Variants in HMCN1 observed in about 807,000 individuals in gnomAD.
HMCN1 encodes hemicentin 1.
Under a neutral mutation model 625.9 loss-of-function variants are expected in HMCN1, and 321 were observed. That is an observed-to-expected ratio of 0.51 (90% CI 0.47 to 0.56). The LOEUF is 0.56. Among genes scored for constraint, HMCN1 ranks in the 20% least tolerant of loss-of-function variants. The probability of loss-of-function intolerance (pLI) is 0.00; values close to 1 mark genes in which losing one functional copy is unlikely to be tolerated. For synonymous variants in HMCN1, 2,425 were observed against 2,417.6 expected (o/e 1.00, Z -0.09); for missense variants, 6,588 against 6,887.3 (o/e 0.96, Z 1.54).
chr1:186,117,350 C>G, intron 76 of HMCN1, 109 bp from the exon 77 acceptor site: 1 of 1,328,428 alleles, frequency 7.5e-7, no homozygotes, highest in Non-Finnish European at 1.1e-6. Context: ...TTTCTACTTA[C>G]CTAACTTTCA....
At position 186,067,840 on chromosome 1, in the gene HMCN1, C is replaced by T. The variant is rs1658225168; in HGVS notation, c.7712C>T (p.Pro2571Leu). 6.2e-7 allele frequency: 1 copy of T among 1,608,690 alleles called. No individual in the cohort carries two copies. Among genetic ancestry groups the T allele is most frequent in the Non-Finnish European group, 8.5e-7 (1 of 1,175,124 alleles). ...RSFSLNVFVSPTIAGVGSDGN... is the reference protein window; with the variant it reads ...RSFSLNVFVSLTIAGVGSDGN... ...AAATTTTCATCTTTTTCAGTATCTC[C>T]TACAATTGCTGGTGTAGGTAGTGAT... is the stretch of plus-strand genomic sequence containing the variant. Residue 2571 changes from proline (P) to leucine (L), a missense_variant, in exon 50 of 107, where the codon CCT becomes CTT. Transcript: ENST00000271588.
rs768834432 is a variant in HMCN1 at position 186,086,375 on chromosome 1, T to C, written c.9014T>C (p.Ile3005Thr). Residue 3005 changes from isoleucine (I) to threonine (T), a missense_variant, in exon 58 of 107, where the codon ATC (isoleucine) becomes ACC (threonine). Ile to Thr is a moderately conservative substitution (Grantham distance 89). Around this residue, in one of 3 missense-constraint regions of HMCN1, gnomAD observed 4,628 missense variants for 4,853.1 expected, o/e 0.95. Transcript: ENST00000271588. ...DLSWLKNEQPIKLNTNTLIVP... is the reference protein window; with the variant it reads ...DLSWLKNEQPTKLNTNTLIVP... Reference sequence around the variant, plus strand: ...AGCTGGCTCAAGAATGAACAGCCCATCAAACTGAACACAAATACTCTCATT... The same window carrying C: ...AGCTGGCTCAAGAATGAACAGCCCACCAAACTGAACACAAATACTCTCATT... 7 of 1,613,178 alleles carry C rather than the reference T, an allele frequency of 4.3e-6. No homozygotes were observed. The African/African-American group carries it at 9.4e-5, about 22-fold the overall frequency.
intron 4 of HMCN1, among the ~76,000 whole-genome samples, chr1:185,902,405 C>CTATCTCTA (rs903275348): frequency 0.012 from 1,756 of 145,330 alleles, 45 homozygotes; most frequent in African/African-American, 0.042. Context: ...ATCTATCTAT[C>CTATCTCTA]TCTATCTATC....
chr1:186,166,876 T>C lies in HMCN1; in HGVS notation c.15508T>C (p.Ser5170Pro). The C allele has an allele frequency of 1.2e-6, 2 of 1,614,168 alleles. No individual in the cohort carries two copies. Among genetic ancestry groups the C allele is most frequent in the South Asian group, 2.2e-5 (2 of 91,076 alleles). Residue 5170 changes from serine to proline, a missense_variant, in exon 100 of 107, where the codon TCT (serine) becomes CCT (proline). By Grantham distance (74) the Ser-to-Pro change is moderately conservative. Transcript: ENST00000271588. ...TCAGGACTGTGACAATACGATTGGA[T>C]CTTATCGCTGTGTGGTCCGTTGTGG... is the stretch of plus-strand genomic sequence containing the variant. Reference protein sequence around the residue: ...AGQDCDNTIGSYRCVVRCGSG... With the variant: ...AGQDCDNTIGPYRCVVRCGSG...
chr1:185,820,338 C>G (rs73072049), intron 1 of HMCN1, among the ~76,000 whole-genome samples: 6,287 of 152,126 alleles, frequency 0.041, 427 homozygotes, highest in African/African-American at 0.14. Context: ...GCTATCAGGT[C>G]ATAGAGTATT....
intron 8 of HMCN1, among the ~76,000 whole-genome samples, chr1:185,924,269 T>C (rs1290347767): frequency 2.8e-5 from 4 of 140,666 alleles, no homozygotes; most frequent in Non-Finnish European, 6.1e-5. Context: ...CTCGCTCTGT[T>C]GCCCAGGCTG....
At chr1:185,742,291 T>A (rs1654043863) in intron 1 of HMCN1, among the ~76,000 whole-genome samples, 1 of 152,176 alleles carries the variant, frequency 6.6e-6, no homozygotes, top group Non-Finnish European at 1.5e-5. Flanking sequence ...AAGGACTTGA[T>A]TCATTGGGAG....
Position 186,166,248 on chromosome 1 carries a change from C to CT in HMCN1, c.15385dup (p.Tyr5129LeufsTer6). 1 of 1,614,128 alleles carries CT rather than the reference C, an allele frequency of 6.2e-7. No individual in the cohort carries two copies. Among genetic ancestry groups the CT allele is most frequent in the Non-Finnish European group, 8.5e-7 (1 of 1,179,992 alleles). ...GCTGCCACAATGCCATGGGGACTTA[C>CT]TACTGCTCCTGCCCTAAAGGCCTCA... On this transcript the variant is annotated frameshift_variant, in exon 99 of 107. Transcript: ENST00000271588. LOFTEE classifies it high-confidence loss of function.
intron 1 of HMCN1, among the ~76,000 whole-genome samples, chr1:185,782,234 G>C (rs1017680055): frequency 2.6e-5 from 4 of 152,126 alleles, no homozygotes; most frequent in Non-Finnish European, 5.9e-5. Flanking sequence ...TTGAGCCTAT[G>C]TGTTTCTCTG....
intron 1 of HMCN1, among the ~76,000 whole-genome samples, chr1:185,840,195 G>T (rs1380353158): frequency 6.6e-6 from 1 of 152,146 alleles, no homozygotes; most frequent in Admixed American, 6.5e-5. Flanking sequence ...TGGAACGCAT[G>T]TATTGTAGAT....
chr1:186,158,135 A>G (rs1287305973), intron 97 of HMCN1, among the ~76,000 whole-genome samples: 6 of 149,008 alleles, frequency 4.0e-5, no homozygotes, highest in Non-Finnish European at 8.9e-5. Flanking sequence ...TTGCCATTCT[A>G]ACTGGTGTGA....
intron 1 of HMCN1, among the ~76,000 whole-genome samples, chr1:185,817,843 G>A (rs776838723): frequency 6.6e-6 from 1 of 151,910 alleles, no homozygotes. Flanking sequence ...ACAAAAAGCT[G>A]TTTCGGTTCA....
intron 1 of HMCN1, among the ~76,000 whole-genome samples, chr1:185,815,198 G>C (rs185756262): frequency 6.7e-6 from 1 of 150,184 alleles, no homozygotes; most frequent in Non-Finnish European, 1.5e-5. Flanking sequence ...ACCATATCCT[G>C]AGAATGATGT....
rs759142304 is a variant in HMCN1 at position 185,877,736 on chromosome 1, CT to C, written c.621+11881del. Among the ~76,000 whole-genome samples the C allele has an allele frequency of 7.3e-5, 11 of 150,734 alleles. No individual in the cohort carries two copies. The South Asian group carries it at 1.5e-3, about 20-fold the overall frequency. ...CTCTTTTTGTATGGCTATTTTTTTC[CT>C]TTTTTTTGACTTTTATTTTAGGTTC... is the stretch of plus-strand genomic sequence containing the variant. On this transcript the variant is annotated intron_variant, in intron 4 of 106. Coordinates refer to ENST00000271588, the MANE Select transcript of HMCN1 (RefSeq NM_031935.3).
chr1:186,045,628 A>G, intron 40 of HMCN1, 60 bp from the exon 41 acceptor site: 1 of 1,257,886 alleles, frequency 7.9e-7, no homozygotes, highest in Admixed American at 1.7e-5. Flanking sequence ...CTGATAATTG[A>G]TGAATGTAAA....
At chr1:186,086,629 T>C (rs1473657547) in intron 58 of HMCN1, among the ~76,000 whole-genome samples, 2 of 152,194 alleles carry the variant, frequency 1.3e-5, no homozygotes, top group Middle Eastern at 3.4e-3. Flanking sequence ...CAAGAAATGA[T>C]AAAATTTAGA....
intron 4 of HMCN1, among the ~76,000 whole-genome samples, chr1:185,871,980 C>A (rs895987321): frequency 4.6e-5 from 7 of 152,212 alleles, no homozygotes; most frequent in Non-Finnish European, 7.4e-5. Flanking sequence ...AAAAACAAAA[C>A]CTTACTGCTG....
intron 4 of HMCN1, among the ~76,000 whole-genome samples, chr1:185,871,214 G>C (rs956890951): frequency 1.4e-5 from 2 of 142,854 alleles, no homozygotes; most frequent in Non-Finnish European, 3.0e-5. Flanking sequence ...GGGCGACAGA[G>C]AGAGACTCCG....
chr1:185,998,536 G>A (rs1443769276), intron 25 of HMCN1, among the ~76,000 whole-genome samples: 2 of 152,102 alleles, frequency 1.3e-5, no homozygotes, highest in African/African-American at 4.8e-5. Flanking sequence ...AAGGGTTTAA[G>A]CTCAGGGAAG....
Sources: allele counts gnomAD v4.1 joint callset (sites outside exome capture counted in the v4.1 genomes callset), GRCh38; gene constraint gnomAD v4.1.1; regional missense constraint gnomAD v4.1.1; transcripts MANE v1.5; gene names NCBI Gene and HGNC (gene_info 2026-07-23, HGNC 2026-07-21).